Variants in PACRG observed in about 807,000 individuals in gnomAD.
The protein encoded by PACRG is parkin coregulated, also known as parkin coregulated gene protein.
Under a neutral mutation model 29.7 loss-of-function variants are expected in PACRG, and 29 were observed. The ratio of observed to expected loss-of-function variants is 0.98; its 90% CI spans 0.73 to 1.33. The LOEUF (loss-of-function observed/expected upper bound fraction) is 1.33. Among genes scored for constraint, PACRG ranks in the 40% most tolerant of loss-of-function variants. The pLI, the probability that PACRG is intolerant of heterozygous loss-of-function variation, is 0.00. For synonymous variants in PACRG, 116 were observed against 118.7 expected, an observed-to-expected ratio of 0.98 and a Z score of 0.15; for missense variants, 279 against 316.2, an observed-to-expected ratio of 0.88 and a Z score of 0.89.
intron 1 of PACRG, among the ~76,000 whole-genome samples, chr6:162,753,840 G>T (rs575441188): frequency 1.3e-5 from 2 of 152,276 alleles, no homozygotes; most frequent in South Asian, 4.1e-4. Flanking sequence ...CCATGCAGGA[G>T]TGTGAGTTAA....
At chr6:162,821,296 C>G (rs1022778281) in intron 2 of PACRG, among the ~76,000 whole-genome samples, 1 of 152,052 alleles carries the variant, frequency 6.6e-6, no homozygotes, top group Non-Finnish European at 1.5e-5. Flanking sequence ...GCCATCTCAT[C>G]GAGCTTGAAA....
At chr6:163,139,355 C>T (rs1817062736) in intron 4 of PACRG, among the ~76,000 whole-genome samples, 1 of 152,260 alleles carries the variant, frequency 6.6e-6, no homozygotes, top group African/African-American at 2.4e-5. Context: ...GGATCCTTAA[C>T]TTAATCACAT....
At chr6:163,220,215 TG>T (rs915314975) in intron 4 of PACRG, among the ~76,000 whole-genome samples, 2 of 148,904 alleles carry the variant, frequency 1.3e-5, no homozygotes, top group Non-Finnish European at 3.0e-5. Flanking sequence ...AGGGCGGGGG[TG>T]GGGGAGTGCA....
intron 2 of PACRG, among the ~76,000 whole-genome samples, chr6:162,903,092 A>G (rs1795668724): frequency 6.6e-6 from 1 of 152,244 alleles, no homozygotes; most frequent in South Asian, 2.1e-4. Context: ...TAATTAAAGG[A>G]AAACTAAAGG....
At chr6:162,987,889 A>C (rs1230606486) in intron 2 of PACRG, among the ~76,000 whole-genome samples, 3 of 152,198 alleles carry the variant, frequency 2.0e-5, no homozygotes, top group African/African-American at 7.2e-5. Flanking sequence ...ACCTCTGGTT[A>C]TCCAGGATGC....
Position 163,289,048 on chromosome 6 carries a change from C to T in PACRG, c.614-25779C>T, listed in dbSNP as rs144200309. Among the ~76,000 whole-genome samples, 4 of 152,226 alleles carry T rather than the reference C, an allele frequency of 2.6e-5. No individual in the cohort carries two copies. The East Asian group carries it at 5.8e-4, about 22-fold the overall frequency. On this transcript the variant is annotated intron_variant, in intron 4 of 4. Coordinates refer to ENST00000366888, the MANE Select transcript of PACRG (RefSeq NM_001080379.2). ...GGACAGGCTCAAGGTCAGCCAGTTGCCATTGAGATGCTAGACTGTGGCATG... is the reference window on the plus strand; with the variant it reads ...GGACAGGCTCAAGGTCAGCCAGTTGTCATTGAGATGCTAGACTGTGGCATG...
rs1333699489 is a variant in PACRG at position 162,747,361 on chromosome 6, TATAC to T, written c.156+18972_156+18975del. Among the ~76,000 whole-genome samples, 47 of 43,902 alleles carry T rather than the reference TATAC, an allele frequency of 1.1e-3. 5 individuals carry two copies. Among genetic ancestry groups the T allele is most frequent in the African/African-American group, 3.1e-3 (29 of 9,444 alleles). 28.8% of individuals were successfully genotyped at this position (43,902 alleles called of 152,430 possible). A position where few individuals can be genotyped will look rare whatever the true frequency, so the allele number is the denominator to read the frequency against. On this transcript the variant is annotated intron_variant, in intron 1 of 4. Transcript: ENST00000366888. ...ATATATATATATATATATATATATA[TATAC>T]ACATACATATATATGTATATATATG...
At chr6:163,312,726 CTCT>C in intron 4 of PACRG, 1 of 402,012 alleles carries the variant, frequency 2.5e-6, no homozygotes, top group Non-Finnish European at 4.9e-6. Flanking sequence ...AAAATCTTAT[CTCT>C]TGTTTATCTG....
At chr6:163,222,166 C>A (rs1781607628) in intron 4 of PACRG, among the ~76,000 whole-genome samples, 1 of 152,104 alleles carries the variant, frequency 6.6e-6, no homozygotes, top group South Asian at 2.1e-4. Flanking sequence ...AGAAAATTAA[C>A]CCACTATAAA....
At chr6:162,921,893 C>T (rs906697466) in intron 2 of PACRG, among the ~76,000 whole-genome samples, 1 of 152,084 alleles carries the variant, frequency 6.6e-6, no homozygotes, top group Non-Finnish European at 1.5e-5. Context: ...TGAGGCAGAG[C>T]GGACTGCTGA....
At chr6:163,082,534 A>G (rs1257448990) in intron 3 of PACRG, among the ~76,000 whole-genome samples, 2 of 152,218 alleles carry the variant, frequency 1.3e-5, no homozygotes, top group Non-Finnish European at 2.9e-5. Context: ...CTGTATATTG[A>G]TAATTTTTTA....
Position 163,314,988 on chromosome 6 carries a change from C to G in PACRG, c.*1C>G, listed in dbSNP as rs745308194. 6.2e-7 allele frequency: 1 copy of G among 1,612,376 alleles called. No homozygotes were observed. Among genetic ancestry groups the G allele is most frequent in the Non-Finnish European group, 8.5e-7 (1 of 1,178,912 alleles). ...CTACGAGTCTTGCTTGCTAAACTAA[C>G]AGTGGCAGCAGCTGGGACTTGAAAC... On this transcript the variant is annotated 3_prime_UTR_variant, in exon 5 of 5. Coordinates refer to ENST00000366888, the MANE Select transcript of PACRG (RefSeq NM_001080379.2).
At chr6:163,312,827 G>T (rs753545374) in intron 4 of PACRG, 25 of 425,484 alleles carry the variant, frequency 5.9e-5, no homozygotes, top group Middle Eastern at 1.4e-3. Context: ...ATCATGGCTC[G>T]TTGCAACCTC....
intron 4 of PACRG, among the ~76,000 whole-genome samples, chr6:163,181,625 A>T (rs953045502): frequency 3.3e-5 from 5 of 151,752 alleles, no homozygotes; most frequent in African/African-American, 1.2e-4. Context: ...AAAAAAAAAA[A>T]AAAAAATACA....
rs868115808 is a variant in PACRG, at chr6:162,747,344, A to G, written c.156+18953A>G. Among the ~76,000 whole-genome samples the G allele has an allele frequency of 1.5e-3, 110 of 74,600 alleles. 4 individuals are homozygous for G. The highest frequency in any genetic ancestry group is 2.2e-3 in the Non-Finnish European group (94 of 42,306). 48.9% of individuals were successfully genotyped at this position (74,600 alleles called of 152,430 possible). On this transcript the variant is annotated intron_variant, in intron 1 of 4. Coordinates refer to ENST00000366888, the MANE Select transcript of PACRG (RefSeq NM_001080379.2). Reference sequence around the variant, plus strand: ...CTTGCTCATATATATATATATATATATATATATATATATATATATACACAT... The same window carrying G: ...CTTGCTCATATATATATATATATATGTATATATATATATATATATACACAT...
At chr6:163,295,088 GAC>G (rs1784739118) in intron 4 of PACRG, among the ~76,000 whole-genome samples, 2 of 152,172 alleles carry the variant, frequency 1.3e-5, no homozygotes, top group Non-Finnish European at 2.9e-5. Context: ...CATAGTGCCT[GAC>G]ACACAGTAAG....
In PACRG at chr6:162,993,049, C is replaced by T. The variant is rs1378843182; in HGVS notation, c.292-69101C>T. 8.7e-3 allele frequency among the ~76,000 whole-genome samples: 1,226 copies of T among 140,194 alleles called. 16 individuals are homozygous for T. Among genetic ancestry groups the T allele is most frequent in the African/African-American group, 0.03 (1,121 of 37,168 alleles). The allele number at this position is 140,194 out of a possible 152,430, so 92.0% of individuals were successfully genotyped here. On this transcript the variant is annotated intron_variant, in intron 2 of 4. Coordinates refer to ENST00000366888, the MANE Select transcript of PACRG (RefSeq NM_001080379.2). ...GTTCAGTTTCCATGTAGTTGAGCGG[C>T]TTTGAGTGAGATTCTTAATCCTGAG...
chr6:163,141,673 A>C (rs1446903034), intron 4 of PACRG, among the ~76,000 whole-genome samples: 1 of 152,160 alleles, frequency 6.6e-6, no homozygotes, highest in Non-Finnish European at 1.5e-5. Flanking sequence ...TCAGATTAAA[A>C]AAAAGCATTA....
intron 2 of PACRG, among the ~76,000 whole-genome samples, chr6:162,922,393 A>G (rs1285626445): frequency 6.6e-6 from 1 of 151,126 alleles, no homozygotes; most frequent in Admixed American, 6.6e-5. Context: ...AGTAATTAGC[A>G]TCTCCATCAT....
Sources: allele counts gnomAD v4.1 joint callset (sites outside exome capture counted in the v4.1 genomes callset), GRCh38; gene constraint gnomAD v4.1.1; transcripts MANE v1.5; gene names NCBI Gene and HGNC (gene_info 2026-07-23, HGNC 2026-07-21).